NRXN3: variants seen among roughly 807,000 people sequenced by gnomAD.
NRXN3 encodes neurexin 3, also known as neurexin III.
NRXN3 carries 32 observed loss-of-function variants against 137.6 expected under a neutral mutation model. The ratio of observed to expected loss-of-function variants is 0.23; its 90% CI spans 0.18 to 0.31. The LOEUF is 0.31. NRXN3 is among the 10% of genes least tolerant of loss of function. NRXN3 has a pLI of 1.00. For synonymous variants in NRXN3, 798 were observed against 784.5 expected, an observed-to-expected ratio of 1.02 and a Z score of -0.29; for missense variants, 1,574 against 2,062.5, an observed-to-expected ratio of 0.76 and a Z score of 4.59.
chr14:79,168,281 T>C (rs2061463956), intron 15 of NRXN3, among the ~76,000 whole-genome samples: 1 of 152,040 alleles, frequency 6.6e-6, no homozygotes, highest in Non-Finnish European at 1.5e-5. Flanking sequence ...TTTCTTGCCA[T>C]CTACTTGACC....
chr14:78,334,469 C>G (rs2081221810), intron 4 of NRXN3, among the ~76,000 whole-genome samples: 1 of 152,086 alleles, frequency 6.6e-6, no homozygotes, highest in African/African-American at 2.4e-5. Context: ...CATTGTCTTC[C>G]CATGGAAGAC....
At chr14:79,662,536 C>T (rs553071142) in intron 16 of NRXN3, among the ~76,000 whole-genome samples, 2 of 152,074 alleles carry the variant, frequency 1.3e-5, no homozygotes, top group Non-Finnish European at 2.9e-5. Context: ...ACCAGCATCA[C>T]CATTTGCATC....
In NRXN3 at chr14:78,946,526, A is replaced by G. The variant is rs561249705; in HGVS notation, c.2276-10716A>G. Among the ~76,000 whole-genome samples the G allele has an allele frequency of 3.3e-5, 5 of 152,316 alleles. No individual in the cohort carries two copies. In the East Asian group the frequency reaches 7.7e-4, roughly 24 times the overall value. ...TCATCTTCGCACCCCAGAAACTTTC[A>G]CAACACCTGTCTAGTAGGTCATCAA... On this transcript the variant is annotated intron_variant, in intron 10 of 20. Transcript: ENST00000335750.
At chr14:79,068,133 G>A (rs1161111511) in intron 15 of NRXN3, among the ~76,000 whole-genome samples, 2 of 151,950 alleles carry the variant, frequency 1.3e-5, no homozygotes, top group African/African-American at 2.4e-5. Context: ...CTGTACTAGA[G>A]GTTATCTTGT....
chr14:78,800,868 C>T (rs1005389573), intron 8 of NRXN3, among the ~76,000 whole-genome samples: 2 of 152,180 alleles, frequency 1.3e-5, no homozygotes, highest in Admixed American at 6.5e-5. Flanking sequence ...TCAGTAAGCA[C>T]AGAAGAATAT....
intron 8 of NRXN3, among the ~76,000 whole-genome samples, chr14:78,763,149 C>T (rs2098698183): frequency 6.6e-6 from 1 of 152,174 alleles, no homozygotes; most frequent in South Asian, 2.1e-4. Flanking sequence ...GCAATGCTGT[C>T]CCCTTTGCTA....
At chr14:79,605,851 C>T (rs1003745439) in intron 16 of NRXN3, among the ~76,000 whole-genome samples, 2 of 152,100 alleles carry the variant, frequency 1.3e-5, no homozygotes, top group Admixed American at 6.5e-5. Context: ...GACTGTCATG[C>T]CTTGTCAGCT....
chr14:79,132,693 A>G (rs2057709904), intron 15 of NRXN3, among the ~76,000 whole-genome samples: 1 of 152,226 alleles, frequency 6.6e-6, no homozygotes, highest in South Asian at 2.1e-4. Context: ...AAAGCAAAAC[A>G]AAACAAGAAA....
intron 16 of NRXN3, among the ~76,000 whole-genome samples, chr14:79,580,432 T>C (rs1452834289): frequency 3.6e-5 from 5 of 138,008 alleles, no homozygotes; most frequent in Non-Finnish European, 7.4e-5. Context: ...CACAAAAGAT[T>C]ATGTTTTTTT....
chr14:78,235,081 A>G (rs2066098431), intron 1 of NRXN3, among the ~76,000 whole-genome samples: 1 of 127,302 alleles, frequency 7.9e-6, no homozygotes, highest in Non-Finnish European at 1.7e-5. Context: ...TAATTTCTCA[A>G]TTCTTGTTTA....
intron 18 of NRXN3, among the ~76,000 whole-genome samples, chr14:79,697,086 A>T (rs1417469916): frequency 6.6e-6 from 1 of 152,036 alleles, no homozygotes; most frequent in East Asian, 1.9e-4. Flanking sequence ...GGTGACTAGT[A>T]GTTCATTTTT....
chr14:78,613,659 G>A (rs969257180), intron 4 of NRXN3, among the ~76,000 whole-genome samples: 4 of 150,362 alleles, frequency 2.7e-5, no homozygotes, highest in African/African-American at 7.4e-5. Flanking sequence ...TCCATACCAG[G>A]TGGGAGGGTT....
chr14:79,575,879 A>C (rs2097659751), intron 16 of NRXN3, among the ~76,000 whole-genome samples: 1 of 152,202 alleles, frequency 6.6e-6, no homozygotes, highest in Admixed American at 6.5e-5. Flanking sequence ...ATTCAGACAC[A>C]ATAGCCCGTC....
At chr14:78,832,649 C>T (rs569979342) in intron 10 of NRXN3, among the ~76,000 whole-genome samples, 10 of 152,208 alleles carry the variant, frequency 6.6e-5, no homozygotes, top group Admixed American at 2.0e-4. Context: ...AGATCAAAGG[C>T]AGGCACCATT....
At chr14:79,751,494 A>G (rs1267559720) in intron 19 of NRXN3, among the ~76,000 whole-genome samples, 8,764 of 149,782 alleles carry the variant, frequency 0.059, 13 homozygotes, top group African/African-American at 0.2. Context: ...GGTTTTCTAG[A>G]TATACAATCA....
At chr14:79,670,838 A>AT (rs1428257252) in intron 17 of NRXN3, among the ~76,000 whole-genome samples, 1 of 152,086 alleles carries the variant, frequency 6.6e-6, no homozygotes, top group Non-Finnish European at 1.5e-5. Flanking sequence ...TTTTAGGACC[A>AT]TTTTTTATCT....
chr14:78,784,415 G>C (rs2098781922), intron 8 of NRXN3, among the ~76,000 whole-genome samples: 2 of 152,200 alleles, frequency 1.3e-5, no homozygotes, highest in South Asian at 4.1e-4. Flanking sequence ...GTAAAGTAAG[G>C]TCACCAGGTG....
At chr14:79,200,494 C>T (rs988585202) in intron 15 of NRXN3, among the ~76,000 whole-genome samples, 17 of 152,064 alleles carry the variant, frequency 1.1e-4, no homozygotes, top group African/African-American at 2.4e-4. Flanking sequence ...AGGCCAGCTG[C>T]GTCATCTGGA....
intron 15 of NRXN3, among the ~76,000 whole-genome samples, chr14:79,335,263 T>TTG (rs149113029): frequency 1.3e-5 from 2 of 151,810 alleles, no homozygotes; most frequent in Non-Finnish European, 2.9e-5. Flanking sequence ...ATGTGTGTAT[T>TTG]TGTGTGTGTG....
Sources: allele counts gnomAD v4.1 joint callset (sites outside exome capture counted in the v4.1 genomes callset), GRCh38; gene constraint gnomAD v4.1.1; transcripts MANE v1.5; gene names NCBI Gene and HGNC (gene_info 2026-07-23, HGNC 2026-07-21).